The following PHOSPHO2 variants were observed in gnomAD, a reference collection of about 807,000 sequenced individuals.
PHOSPHO2 encodes phosphatase, orphan 2, also known as pyridoxal phosphate phosphatase PHOSPHO2.
Under a neutral mutation model 16.4 loss-of-function variants are expected in PHOSPHO2, and 14 were observed. The ratio of observed to expected loss-of-function variants is 0.85; its 90% CI spans 0.56 to 1.33. The LOEUF is 1.33. PHOSPHO2 is among the 40% of genes most tolerant of loss of function. The probability of loss-of-function intolerance (pLI) is 0.00; values close to 1 mark genes in which losing one functional copy is unlikely to be tolerated. For synonymous variants in PHOSPHO2, 85 were observed against 90.5 expected (o/e 0.94, Z 0.34); for missense variants, 246 against 282.5 (o/e 0.87, Z 0.93).
chr2:169,701,022 T>G lies in PHOSPHO2; in HGVS notation c.51T>G (p.Asn17Lys). 1 of 1,612,414 alleles carries G rather than the reference T, an allele frequency of 6.2e-7. No homozygotes were observed. Among genetic ancestry groups the G allele is most frequent in the Non-Finnish European group, 8.5e-7 (1 of 1,179,594 alleles). ...TTGACAATACAATCATAGATGACAA[T>G]AGTGACACTTGGATTGTACAATGTG... is the stretch of plus-strand genomic sequence containing the variant. Reference protein sequence around the residue: ...FDFDNTIIDDNSDTWIVQCAP... With the variant: ...FDFDNTIIDDKSDTWIVQCAP... The change falls in exon 4 of 4, where the codon AAT becomes AAG. Residue 17 changes from asparagine to lysine, a missense_variant. Coordinates refer to ENST00000359744, the MANE Select transcript of PHOSPHO2 (RefSeq NM_001008489.4).
chr2:169,698,799 T>C (rs953861288), intron 3 of PHOSPHO2, among the ~76,000 whole-genome samples: 1 of 152,138 alleles, frequency 6.6e-6, no homozygotes, highest in African/African-American at 2.4e-5. Flanking sequence ...CTCAGGTGTA[T>C]TCAAATTATT....
chr2:169,694,788 C>T, intron 1 of PHOSPHO2, 166 bp downstream of exon 1: 1 of 238,374 alleles, frequency 4.2e-6, no homozygotes. Flanking sequence ...GTCCGCAGAT[C>T]TCCTCGCGGG....
At chr2:169,695,924 A>T (rs75950302) in intron 2 of PHOSPHO2, among the ~76,000 whole-genome samples, 5,220 of 152,254 alleles carry the variant, frequency 0.034, 288 homozygotes, top group African/African-American at 0.12. Flanking sequence ...TTGGACAAAT[A>T]AGCATGTTTC....
intron 1 of PHOSPHO2, chr2:169,694,867 T>G (rs1273102795): frequency 5.5e-6 from 1 of 180,426 alleles, no homozygotes. Context: ...AAACGCTGTT[T>G]TTTTAATCCT....
intron 3 of PHOSPHO2, among the ~76,000 whole-genome samples, chr2:169,700,620 TAAAA>T (rs1687718479): frequency 4.6e-5 from 7 of 152,084 alleles, no homozygotes; most frequent in Admixed American, 4.6e-4. Flanking sequence ...TTTAATCTAA[TAAAA>T]TAAGTGTGGT....
At chr2:169,699,106 G>C (rs1687654343) in intron 3 of PHOSPHO2, among the ~76,000 whole-genome samples, 1 of 152,232 alleles carries the variant, frequency 6.6e-6, no homozygotes, top group South Asian at 2.1e-4. Context: ...TTGCTGCACA[G>C]ATCATCACAT....
chr2:169,700,180 A>T lies in PHOSPHO2; in HGVS notation c.-26-766A>T, dbSNP rs529199219. ...GTTGATAGTTTCTTTTGCTGTGCAG[A>T]AGCTCTTTAGTTTAATTAGATACCA... On this transcript the variant is annotated intron_variant, in intron 3 of 3. Transcript: ENST00000359744. Among the ~76,000 whole-genome samples, 4 of 152,292 alleles carry T rather than the reference A, an allele frequency of 2.6e-5. No homozygotes were observed. In the East Asian group the frequency reaches 7.7e-4, roughly 29 times the overall value.
chr2:169,701,240 AT>A lies in PHOSPHO2; in HGVS notation c.270del (p.Asp90GlufsTer16), dbSNP rs936591019. ...ELFNFIRKNKDKFDCIIISDS... is the reference protein window; with the variant it reads ...ELFNFIRKNKXKFDCIIISDS... The stretch of plus-strand genomic sequence containing the variant: ...TTCAACTTTATAAGAAAGAATAAGG[AT>A]AAATTTGACTGCATTATTATTTCAG... On this transcript the variant is annotated frameshift_variant, in exon 4 of 4. Coordinates refer to ENST00000359744, the MANE Select transcript of PHOSPHO2 (RefSeq NM_001008489.4). LOFTEE classifies it high-confidence loss of function. 2 of 1,613,874 alleles carry A rather than the reference AT, an allele frequency of 1.2e-6. No homozygotes were observed. The highest frequency in any genetic ancestry group is 1.3e-5 in the African/African-American group (1 of 74,924).
chr2:169,701,484 TA>T lies in PHOSPHO2; in HGVS notation c.514del (p.Thr172HisfsTer19). 6.2e-7 allele frequency: 1 copy of T among 1,613,014 alleles called. No homozygotes were observed. Among genetic ancestry groups the T allele is most frequent in the Non-Finnish European group, 8.5e-7 (1 of 1,179,748 alleles). Reference sequence around the variant, plus strand: ...AACAGTTACAACAGGGAGTGAATTATACACAAATTGTTTATATTGGTGATGG... The same window carrying T: ...AACAGTTACAACAGGGAGTGAATTATCACAAATTGTTTATATTGGTGATGG... Reference protein sequence around the residue: ...DKQLQQGVNYTQIVYIGDGGN... With the variant: ...DKQLQQGVNYXQIVYIGDGGN... On this transcript the variant is annotated frameshift_variant, in exon 4 of 4. Coordinates refer to ENST00000359744, the MANE Select transcript of PHOSPHO2 (RefSeq NM_001008489.4). LOFTEE classifies it high-confidence loss of function.
rs1251083019 is a variant in PHOSPHO2 at position 169,701,074 on chromosome 2, C to T, written c.103C>T (p.Leu35=). 6.2e-7 allele frequency: 1 copy of T among 1,613,846 alleles called. No individual in the cohort carries two copies. Among genetic ancestry groups the T allele is most frequent in the African/African-American group, 1.3e-5 (1 of 74,914 alleles). ...TCCCAACAAAAAGCTTCCTATTGAA[C>T]TACGTGATTCTTATCGAAAAGGATT... is the stretch of plus-strand genomic sequence containing the variant. The part of the protein sequence containing the change: ...CAPNKKLPIE[L]RDSYRKGFWT... Residue 35 remains leucine (L), a synonymous_variant, in exon 4 of 4, where the codon CTA becomes TTA. Transcript: ENST00000359744.
intron 2 of PHOSPHO2, among the ~76,000 whole-genome samples, chr2:169,696,533 A>G (rs1246122044): frequency 3.3e-5 from 5 of 152,180 alleles, no homozygotes; most frequent in East Asian, 3.8e-4. Flanking sequence ...TTATTTCCCA[A>G]TTCTTGGATG....
chr2:169,695,399 G>A (rs1004693880), intron 2 of PHOSPHO2, among the ~76,000 whole-genome samples, 152 bp downstream of exon 2: 1 of 152,238 alleles, frequency 6.6e-6, no homozygotes, highest in African/African-American at 2.4e-5. Context: ...CACTTTGGGA[G>A]GCCGAGGCGG....
In PHOSPHO2 at chr2:169,697,529, TG is replaced by T. The variant is rs1272766390; in HGVS notation, c.-27+1del. 1 of 152,274 alleles carries T rather than the reference TG, an allele frequency of 6.6e-6. No homozygotes were observed. Among genetic ancestry groups the T allele is most frequent in the East Asian group, 1.9e-4 (1 of 5,186 alleles). The allele number at this position is 152,274 out of a possible 1,614,324, so 9.4% of individuals were successfully genotyped here. Reference sequence around the variant, plus strand: ...TAAGATTGTCTTGGAAATACTAAGTTGGGTAAGTATTTTTTAAAGGTTTATG... The same window carrying T: ...TAAGATTGTCTTGGAAATACTAAGTTGGTAAGTATTTTTTAAAGGTTTATG... On this transcript the variant is annotated splice_region_variant and 5_prime_UTR_variant, in exon 3 of 4. Coordinates refer to ENST00000359744, the MANE Select transcript of PHOSPHO2 (RefSeq NM_001008489.4).
intron 3 of PHOSPHO2, among the ~76,000 whole-genome samples, chr2:169,699,931 C>G: frequency 6.6e-6 from 1 of 151,996 alleles, no homozygotes; most frequent in East Asian, 1.9e-4. Flanking sequence ...CTACATGATT[C>G]TTATCAAAAA....
chr2:169,698,683 C>T (rs1323306033), intron 3 of PHOSPHO2, among the ~76,000 whole-genome samples: 1 of 151,814 alleles, frequency 6.6e-6, no homozygotes, highest in Non-Finnish European at 1.5e-5. Flanking sequence ...ATCAGTTGAC[C>T]AGCTTATTCT....
chr2:169,700,838 A>G (rs1687725706), intron 3 of PHOSPHO2, 108 bp from the exon 4 acceptor site: 3 of 1,140,430 alleles, frequency 2.6e-6, no homozygotes, highest in Admixed American at 6.2e-5. Context: ...TACTTTGTTT[A>G]TATTCCTCCC....
At chr2:169,700,877 A>T (rs1687728694) in intron 3 of PHOSPHO2, 69 bp from the exon 4 acceptor site, 2 of 1,367,606 alleles carry the variant, frequency 1.5e-6, no homozygotes, top group African/African-American at 2.9e-5. Flanking sequence ...AGTTATGTTT[A>T]TTAAATAAGT....
chr2:169,696,721 G>T (rs78565582), intron 2 of PHOSPHO2, among the ~76,000 whole-genome samples: 5,404 of 152,158 alleles, frequency 0.036, 348 homozygotes, highest in African/African-American at 0.12. Context: ...CTAAATCTTT[G>T]TTCATATTCT....
intron 2 of PHOSPHO2, among the ~76,000 whole-genome samples, chr2:169,695,970 A>G (rs377597614): frequency 6.6e-5 from 10 of 152,186 alleles, no homozygotes; most frequent in African/African-American, 2.2e-4. Flanking sequence ...CCTTGAGACA[A>G]TAGTCTAGAG....
Sources: allele counts gnomAD v4.1 joint callset (sites outside exome capture counted in the v4.1 genomes callset), GRCh38; gene constraint gnomAD v4.1.1; transcripts MANE v1.5; gene names NCBI Gene and HGNC (gene_info 2026-07-23, HGNC 2026-07-21).